The following OPCML variants were observed in gnomAD, a reference collection of about 807,000 sequenced individuals.
OPCML encodes opioid binding protein/cell adhesion molecule like.
In OPCML, 13 loss-of-function variants were observed where a neutral mutation model predicts 37.8. The observed-to-expected ratio is 0.34, with a 90% CI of 0.22 to 0.55. The LOEUF (loss-of-function observed/expected upper bound fraction) is 0.55. Ranked by LOEUF, OPCML falls within the 20% of genes least tolerant of loss-of-function variation. The pLI, the probability that OPCML is intolerant of heterozygous loss-of-function variation, is 0.91. For missense variants in OPCML, 341 were observed against 435.6 expected (o/e 0.78, Z 1.93); for synonymous variants, 176 against 168.8 (o/e 1.04, Z -0.33).
intron 4 of OPCML, among the ~76,000 whole-genome samples, chr11:132,512,846 T>A (rs1029995628): frequency 1.6e-4 from 24 of 152,066 alleles, no homozygotes; most frequent in African/African-American, 5.8e-4. Context: ...GGATAGGTTT[T>A]GGGAAGAATA....
chr11:132,838,678 ATTTT>A (rs892248453), intron 2 of OPCML, among the ~76,000 whole-genome samples: 1 of 152,196 alleles, frequency 6.6e-6, no homozygotes, highest in Non-Finnish European at 1.5e-5. Context: ...TTTAAAATTT[ATTTT>A]TTTATTGTGC....
In OPCML at chr11:132,733,314, T is replaced by A. The variant is rs544681766; in HGVS notation, c.147-75995A>T. ...TATAGATACAAGACAAAGGAGATAA[T>A]TCATATAGCAATGACCCATAGTAGA... On this transcript the variant is annotated intron_variant, in intron 2 of 7. Coordinates refer to ENST00000524381, the MANE Select transcript of OPCML (RefSeq NM_001012393.5). 2.0e-5 allele frequency among the ~76,000 whole-genome samples: 3 copies of A among 152,030 alleles called. No individual in the cohort carries two copies. In the East Asian group the frequency reaches 5.8e-4, roughly 30 times the overall value.
chr11:133,498,599 C>T (rs1178817012), intron 1 of OPCML, among the ~76,000 whole-genome samples: 4 of 152,180 alleles, frequency 2.6e-5, no homozygotes, highest in African/African-American at 4.8e-5. Flanking sequence ...CTGGCTAAAG[C>T]TTAACAGTTA....
At chr11:132,997,999 T>A (rs1946918594) in intron 1 of OPCML, among the ~76,000 whole-genome samples, 1 of 152,114 alleles carries the variant, frequency 6.6e-6, no homozygotes, top group Non-Finnish European at 1.5e-5. Context: ...CCTAGAAACA[T>A]TCTTTCTCTT....
chr11:133,485,363 T>C (rs1006473006), intron 1 of OPCML, among the ~76,000 whole-genome samples: 2 of 152,084 alleles, frequency 1.3e-5, no homozygotes, highest in African/African-American at 4.8e-5. Context: ...ACTACAAAAA[T>C]TATGGAGGAA....
At chr11:133,224,458 T>A (rs1295720397) in intron 1 of OPCML, among the ~76,000 whole-genome samples, 1 of 152,164 alleles carries the variant, frequency 6.6e-6, no homozygotes, top group Non-Finnish European at 1.5e-5. Context: ...TAACAAGTTA[T>A]CCACATCCCA....
chr11:132,417,942 T>C lies in OPCML; in HGVS notation c.*2251A>G, dbSNP rs891638172. 31 of 152,244 alleles carry C rather than the reference T, an allele frequency of 2.0e-4. No individual in the cohort carries two copies. The highest frequency in any genetic ancestry group is 7.0e-4 in the African/African-American group (29 of 41,466). 9.4% of individuals were successfully genotyped at this position (152,244 alleles called of 1,614,324 possible). On this transcript the variant is annotated 3_prime_UTR_variant, in exon 8 of 8. Transcript: ENST00000524381. Reference sequence around the variant, plus strand: ...CTGGCAGCTCACTAGGAAATGCAGATGTCTGTTTACAGCTGGAAAATGTAA... The same window carrying C: ...CTGGCAGCTCACTAGGAAATGCAGACGTCTGTTTACAGCTGGAAAATGTAA...
chr11:133,480,674 A>G (rs1416145252), intron 1 of OPCML, among the ~76,000 whole-genome samples: 1 of 152,180 alleles, frequency 6.6e-6, no homozygotes, highest in African/African-American at 2.4e-5. Context: ...GTAAAACACT[A>G]TCTCCTTCCC....
intron 1 of OPCML, among the ~76,000 whole-genome samples, chr11:132,987,408 G>A (rs377675942): frequency 5.3e-5 from 8 of 152,244 alleles, no homozygotes; most frequent in African/African-American, 1.4e-4. Context: ...AAGCAGTTCC[G>A]TGTGGCTGCA....
At chr11:133,095,700 A>G (rs968944654) in intron 1 of OPCML, among the ~76,000 whole-genome samples, 2 of 150,806 alleles carry the variant, frequency 1.3e-5, no homozygotes, top group African/African-American at 4.9e-5. Flanking sequence ...TAATGAAAAA[A>G]ATTACAAAAA....
At position 133,212,256 on chromosome 11, in the gene OPCML, T is replaced by A. The variant is rs952818139; in HGVS notation, c.62-269246A>T. Among the ~76,000 whole-genome samples the A allele has an allele frequency of 9.9e-5, 15 of 151,950 alleles. No homozygotes were observed. The highest frequency in any genetic ancestry group is 3.9e-4 in the Admixed American group (6 of 15,262). On this transcript the variant is annotated intron_variant, in intron 1 of 7. Transcript: ENST00000524381. The surrounding 1 kb of genome is among the most constrained non-coding windows in gnomAD (Gnocchi z 4.9). The stretch of plus-strand genomic sequence containing the variant: ...CCACCACCCCGATAGGTGCACAAAG[T>A]CCTCCTAATAGTCCGTGACAGCCTA...
intron 3 of OPCML, among the ~76,000 whole-genome samples, chr11:132,641,526 G>A (rs1310701771): frequency 6.6e-6 from 1 of 152,124 alleles, no homozygotes. Context: ...TCTTTTTAAT[G>A]GCCTGGCCTT....
rs985729159 is a variant in OPCML, at chr11:133,026,292, T to C, written c.62-83282A>G. The C allele has an allele frequency of 6.0e-6, 5 of 832,822 alleles. No homozygotes were observed. The South Asian group carries it at 2.8e-4, about 46-fold the overall frequency. 51.6% of individuals were successfully genotyped at this position (832,822 alleles called of 1,614,324 possible). ...CATGTAAAAAATGGTCAAAATGGAT[T>C]TGGGGTTTGGGCTTGTTCAGCTGTC... On this transcript the variant is annotated intron_variant, in intron 1 of 7. Transcript: ENST00000524381.
At chr11:133,460,848 T>G (rs1946842310) in intron 1 of OPCML, among the ~76,000 whole-genome samples, 1 of 151,880 alleles carries the variant, frequency 6.6e-6, no homozygotes, top group Non-Finnish European at 1.5e-5. Flanking sequence ...GCAAATAGGA[T>G]TCAACAGCAT....
intron 2 of OPCML, among the ~76,000 whole-genome samples, chr11:132,904,383 C>T (rs1394684620): frequency 6.6e-6 from 1 of 151,486 alleles, no homozygotes; most frequent in Non-Finnish European, 1.5e-5. Context: ...ACAGCAGCAG[C>T]TAAATTATTT....
intron 1 of OPCML, among the ~76,000 whole-genome samples, chr11:133,055,090 G>A (rs1049716504): frequency 1.0e-3 from 149 of 142,584 alleles, no homozygotes; most frequent in Non-Finnish European, 1.8e-3. Flanking sequence ...GACTCCATGA[G>A]GGAGCCGCCT....
rs535235511 is a variant in OPCML at position 133,102,005 on chromosome 11, T to C, written c.62-158995A>G. Among the ~76,000 whole-genome samples the C allele has an allele frequency of 1.2e-4, 18 of 152,322 alleles. No individual in the cohort carries two copies. In the East Asian group the frequency reaches 3.5e-3, roughly 29 times the overall value. On this transcript the variant is annotated intron_variant, in intron 1 of 7. Coordinates refer to ENST00000524381, the MANE Select transcript of OPCML (RefSeq NM_001012393.5). ...GTCTGATTCCAACAATATGACATTA[T>C]GCAAAAGGCAAAACTTTGGAGGCAG...
intron 1 of OPCML, among the ~76,000 whole-genome samples, chr11:133,362,686 A>G (rs974710184): frequency 2.6e-5 from 4 of 152,090 alleles, no homozygotes; most frequent in Admixed American, 2.6e-4. Flanking sequence ...TTAGTCACAC[A>G]TGTTAACCCT....
At chr11:133,506,951 ACTTTCTTT>A (rs1432498071) in intron 1 of OPCML, among the ~76,000 whole-genome samples, 3 of 152,080 alleles carry the variant, frequency 2.0e-5, no homozygotes, top group Non-Finnish European at 4.4e-5. Flanking sequence ...CCACTCATCC[ACTTTCTTT>A]CTTCCAAACC....
Sources: allele counts gnomAD v4.1 joint callset (sites outside exome capture counted in the v4.1 genomes callset), GRCh38; gene constraint gnomAD v4.1.1; non-coding constraint Gnocchi (gnomAD v3.1); transcripts MANE v1.5; gene names NCBI Gene and HGNC (gene_info 2026-07-23, HGNC 2026-07-21).